SEZ6L: variants seen among roughly 807,000 people sequenced by gnomAD.
The protein encoded by SEZ6L is seizure 6-like protein.
SEZ6L carries 37 observed loss-of-function variants against 106.2 expected under a neutral mutation model. The observed-to-expected ratio is 0.35, with a 90% confidence interval of 0.27 to 0.46. The LOEUF (loss-of-function observed/expected upper bound fraction) is 0.46. Ranked by LOEUF, SEZ6L falls within the 20% of genes least tolerant of loss-of-function variation. The pLI is 1.00. For synonymous variants in SEZ6L, 541 were observed against 570.4 expected (o/e 0.95, Z 0.73); for missense variants, 1,172 against 1,332.8 (o/e 0.88, Z 1.88).
chr22:26,214,648 A>G (rs2078249630), intron 1 of SEZ6L, among the ~76,000 whole-genome samples: 1 of 152,234 alleles, frequency 6.6e-6, no homozygotes, highest in Non-Finnish European at 1.5e-5. Flanking sequence ...ACAGACAGAC[A>G]GCAACACCTT....
chr22:26,241,837 G>A lies in SEZ6L; in HGVS notation c.95-50569G>A, dbSNP rs895805361. Among the ~76,000 whole-genome samples the A allele has an allele frequency of 2.0e-5, 3 of 152,180 alleles. No individual in the cohort carries two copies. In the East Asian group the frequency reaches 5.8e-4, roughly 29 times the overall value. ...GAGTAACTCTCCATTAATGTCACAG[G>A]CTTAATGGCACATGAGTCTGGGCAC... On this transcript the variant is annotated intron_variant, in intron 1 of 16. Transcript: ENST00000248933.
chr22:26,327,092 G>A (rs1273137408), intron 9 of SEZ6L, among the ~76,000 whole-genome samples: 1 of 152,058 alleles, frequency 6.6e-6, no homozygotes, highest in Non-Finnish European at 1.5e-5. Flanking sequence ...AGGAAGCGGC[G>A]ACCCCAGCCA....
At chr22:26,206,465 C>T (rs1177128478) in intron 1 of SEZ6L, among the ~76,000 whole-genome samples, 5 of 152,198 alleles carry the variant, frequency 3.3e-5, no homozygotes, top group Non-Finnish European at 7.3e-5. Flanking sequence ...AACTCCCATG[C>T]AGTAGATACC....
chr22:26,359,721 C>T (rs574345654), intron 12 of SEZ6L, among the ~76,000 whole-genome samples: 1 of 152,122 alleles, frequency 6.6e-6, no homozygotes, highest in African/African-American at 2.4e-5. Flanking sequence ...GGGAGGATCT[C>T]TTGAAAGGGA....
intron 1 of SEZ6L, among the ~76,000 whole-genome samples, chr22:26,198,753 C>A (rs6004956): frequency 0.012 from 1,794 of 152,300 alleles, 35 homozygotes; most frequent in African/African-American, 0.041. Context: ...GGGCTCTGAT[C>A]CCATTCATGG....
intron 1 of SEZ6L, among the ~76,000 whole-genome samples, chr22:26,276,246 T>G (rs2050690754): frequency 6.6e-6 from 1 of 152,216 alleles, no homozygotes. Flanking sequence ...TTCTTTAAGG[T>G]TAACCAGTCA....
intron 12 of SEZ6L, chr22:26,351,484 T>C: frequency 2.1e-6 from 1 of 484,018 alleles, no homozygotes; most frequent in Admixed American, 3.8e-5. Flanking sequence ...CTTCCTCAAG[T>C]AGCCCTGGGA....
chr22:26,313,671 C>A, intron 8 of SEZ6L, 93 bp from the exon 9 acceptor site: 1 of 1,470,146 alleles, frequency 6.8e-7, no homozygotes. Context: ...AGATTCACGG[C>A]TGTCTGACTT....
rs146744873 is a variant in SEZ6L, at chr22:26,299,087, C to A, written c.1266C>A (p.Gly422=). The change falls in exon 5 of 17, where the codon GGC becomes GGA. Residue 422 remains glycine, a synonymous_variant. Coordinates refer to ENST00000248933, the MANE Select transcript of SEZ6L (RefSeq NM_021115.5). The stretch of plus-strand genomic sequence containing the variant: ...TGGCCCACTTTCACTGCCACCTGGG[C>A]TATGAGCTCCAGGGCGCTAAGATGC... ...GGVAHFHCHL[G]YELQGAKMLT... is the part of the protein sequence containing the mutation. 1,262 of 1,608,382 alleles carry A rather than the reference C, an allele frequency of 7.8e-4. 3 individuals carry two copies. Among genetic ancestry groups the A allele is most frequent in the Non-Finnish European group, 1.0e-3 (1,218 of 1,177,590 alleles).
intron 11 of SEZ6L, among the ~76,000 whole-genome samples, chr22:26,348,646 A>AAGAGAAAG (rs1556371589): frequency 1.7e-3 from 13 of 7,694 alleles, no homozygotes; most frequent in African/African-American, 0.01. Flanking sequence ...GAAAGAAAGA[A>AAGAGAAAG]AAAGAAAGAA....
intron 1 of SEZ6L, among the ~76,000 whole-genome samples, chr22:26,255,077 T>C (rs541076348): frequency 6.6e-5 from 10 of 152,312 alleles, no homozygotes; most frequent in South Asian, 6.2e-4. Flanking sequence ...TAGAATTCTC[T>C]CTTTTTAAAA....
chr22:26,186,836 C>T (rs1939814618), intron 1 of SEZ6L, among the ~76,000 whole-genome samples: 2 of 152,146 alleles, frequency 1.3e-5, no homozygotes, highest in African/African-American at 2.4e-5. Context: ...GCAGGGAGGA[C>T]TTGCTGAGAG....
chr22:26,376,922 A>T (rs907591122), intron 15 of SEZ6L, among the ~76,000 whole-genome samples: 2 of 152,122 alleles, frequency 1.3e-5, no homozygotes, highest in Non-Finnish European at 1.5e-5. Context: ...ATTATAACAC[A>T]CTAAGATAAA....
At chr22:26,367,993 C>A (rs146065142) in intron 13 of SEZ6L, among the ~76,000 whole-genome samples, 1 of 152,314 alleles carries the variant, frequency 6.6e-6, no homozygotes, top group East Asian at 1.9e-4. Context: ...TTTATCTGGA[C>A]TTTTGAAGTG....
intron 9 of SEZ6L, among the ~76,000 whole-genome samples, chr22:26,317,952 C>A (rs1271893815): frequency 6.6e-6 from 1 of 152,100 alleles, no homozygotes; most frequent in Non-Finnish European, 1.5e-5. Flanking sequence ...GGCCAGGCAA[C>A]ACAAATACCG....
chr22:26,190,628 A>C (rs896821817), intron 1 of SEZ6L, among the ~76,000 whole-genome samples: 1 of 152,120 alleles, frequency 6.6e-6, no homozygotes. Context: ...GCCTTGGTTC[A>C]TGTGCTCATC....
At chr22:26,355,009 C>T (rs1040294088) in intron 12 of SEZ6L, among the ~76,000 whole-genome samples, 1 of 152,218 alleles carries the variant, frequency 6.6e-6, no homozygotes, top group East Asian at 1.9e-4. Flanking sequence ...ATTCTGGCAG[C>T]GCGGCTCCTG....
chr22:26,266,017 G>A (rs560954191), intron 1 of SEZ6L, among the ~76,000 whole-genome samples: 5 of 152,280 alleles, frequency 3.3e-5, no homozygotes, highest in Non-Finnish European at 7.4e-5. Flanking sequence ...TCACTGCCTC[G>A]CTGCCATCAT....
intron 13 of SEZ6L, among the ~76,000 whole-genome samples, chr22:26,372,206 C>T (rs558691394): frequency 3.3e-5 from 5 of 152,272 alleles, no homozygotes; most frequent in African/African-American, 1.2e-4. Flanking sequence ...AGAGGTCCAC[C>T]GCTGAGAATA....
Sources: gnomAD v4.1 joint callset for allele counts (sites outside exome capture counted in the v4.1 genomes callset) on GRCh38, gnomAD v4.1.1 for gene constraint, MANE v1.5 for transcripts, NCBI Gene and HGNC (gene_info 2026-07-23, HGNC 2026-07-21) for gene names.